Variants in DNAI2 observed in about 807,000 individuals in gnomAD.
DNAI2 encodes the protein dynein, axonemal, intermediate polypeptide 2.
A neutral mutation model predicts 74.7 loss-of-function variants in DNAI2; 63 were observed. The observed-to-expected ratio is 0.84, with a 90% confidence interval of 0.69 to 1.04. The LOEUF (loss-of-function observed/expected upper bound fraction) is 1.04, where lower values mean the gene tolerates loss of function less well. Among genes scored for constraint, DNAI2 ranks in the 50% least tolerant of loss-of-function variants. DNAI2 has a pLI of 0.00. For missense variants in DNAI2, 688 were observed against 803.2 expected (o/e 0.86, Z 1.73); for synonymous variants, 289 against 314.9 (o/e 0.92, Z 0.87).
In DNAI2 at chr17:74,299,773, C is replaced by A. The variant is rs935472934; in HGVS notation, c.780C>A (p.Ser260=). Residue 260 remains serine (S), a synonymous_variant, in exon 7 of 14, where the codon TCC becomes TCA. Transcript: ENST00000311014. ...TGGCGGAGCTATCCACCATTGAGTC[C>A]AGCCACCGAGACCCTGTGTATGGCA... The part of the protein sequence containing the change: ...SLVAELSTIE[S]SHRDPVYGTI... The A allele has an allele frequency of 6.2e-7, 1 of 1,613,210 alleles. No individual in the cohort carries two copies. Among genetic ancestry groups the A allele is most frequent in the South Asian group, 1.1e-5 (1 of 91,036 alleles).
At chr17:74,280,480 T>C (rs1284799561) in intron 1 of DNAI2, among the ~76,000 whole-genome samples, 1 of 152,220 alleles carries the variant, frequency 6.6e-6, no homozygotes, top group Non-Finnish European at 1.5e-5. Flanking sequence ...GGCCTCCATG[T>C]CCCGCCTGTT....
Position 74,301,103 on chromosome 17 carries a change from A to G in DNAI2, c.922A>G (p.Ile308Val), listed in dbSNP as rs374277039. Residue 308 changes from isoleucine to valine, a missense_variant, in exon 8 of 14, where the codon ATC becomes GTC. Physicochemically the swap from Ile to Val is conservative, Grantham distance 29 (BLOSUM62 3). Transcript: ENST00000311014. ...SEPTEVVILD[I>V]TKKEQLENAL... Reference sequence around the variant, plus strand: ...GCCCACTGAAGTTGTGATCTTGGACATCACCAAGAAGGAACAGTTGGAAAA... The same window carrying G: ...GCCCACTGAAGTTGTGATCTTGGACGTCACCAAGAAGGAACAGTTGGAAAA... 1.7e-5 allele frequency: 27 copies of G among 1,614,008 alleles called. No homozygotes were observed. Among genetic ancestry groups the G allele is most frequent in the African/African-American group, 4.0e-5 (3 of 74,920 alleles).
chr17:74,309,333 C>T lies in DNAI2; in HGVS notation c.1292C>T (p.Thr431Ile). ...TTCTTTACCACCAGGATGGACGGAA[C>T]CCTGGATATCTGGGACTTCATGTTC... Reference protein sequence around the residue: ...TVFFTTRMDGTLDIWDFMFEQ... With the variant: ...TVFFTTRMDGILDIWDFMFEQ... The change falls in exon 10 of 14, where the codon ACC (threonine) becomes ATC (isoleucine). Residue 431 changes from threonine to isoleucine, a missense_variant. Coordinates refer to ENST00000311014, the MANE Select transcript of DNAI2 (RefSeq NM_023036.6). 1 of 1,614,132 alleles carries T rather than the reference C, an allele frequency of 6.2e-7. No homozygotes were observed. The highest frequency in any genetic ancestry group is 8.5e-7 in the Non-Finnish European group (1 of 1,180,012).
chr17:74,308,298 G>A (rs2053306231), intron 9 of DNAI2, among the ~76,000 whole-genome samples: 1 of 152,136 alleles, frequency 6.6e-6, no homozygotes, highest in Admixed American at 6.6e-5. Context: ...TTAAAAAAAT[G>A]TTCCGTCTTC....
At chr17:74,291,926 C>T (rs2052133614) in intron 6 of DNAI2, among the ~76,000 whole-genome samples, 1 of 151,176 alleles carries the variant, frequency 6.6e-6, no homozygotes, top group Admixed American at 6.6e-5. Flanking sequence ...TGCAGTGGTG[C>T]AGTCTCAGCT....
chr17:74,309,154 A>G, intron 9 of DNAI2, 99 bp from the exon 10 acceptor site: 1 of 1,376,964 alleles, frequency 7.3e-7, no homozygotes, highest in South Asian at 1.2e-5. Flanking sequence ...CCTACCTAGC[A>G]AGACTCTGAG....
At chr17:74,296,326 AGAGAGAG>A (rs1260120573) in intron 6 of DNAI2, among the ~76,000 whole-genome samples, 3 of 73,514 alleles carry the variant, frequency 4.1e-5, no homozygotes, top group Admixed American at 1.4e-4. Context: ...AGAGAGAGAG[AGAGAGAG>A]GAGAGAGAGA....
chr17:74,303,953 C>G (rs575674131), intron 8 of DNAI2, among the ~76,000 whole-genome samples: 1 of 151,706 alleles, frequency 6.6e-6, no homozygotes, highest in Admixed American at 6.6e-5. Flanking sequence ...TAGGGAGACT[C>G]CATCTCTACA....
rs750660614 is a variant in DNAI2 at position 74,286,964 on chromosome 17, G to T, written c.346-13G>T. ...CCATTTACTGCGGAGAACTTCCAAT[G>T]TGTCCCCCCTAGATCATGGAGCACT... On this transcript the variant is annotated splice_polypyrimidine_tract_variant and intron_variant, in intron 3 of 13. Coordinates refer to ENST00000311014, the MANE Select transcript of DNAI2 (RefSeq NM_023036.6). The T allele has an allele frequency of 6.2e-7, 1 of 1,613,632 alleles. No individual in the cohort carries two copies. The highest frequency in any genetic ancestry group is 8.5e-7 in the Non-Finnish European group (1 of 1,179,760).
chr17:74,312,489 G>A (rs1341549214), intron 12 of DNAI2, among the ~76,000 whole-genome samples: 1 of 152,156 alleles, frequency 6.6e-6, no homozygotes, highest in African/African-American at 2.4e-5. Flanking sequence ...CCCCCAGAGA[G>A]GGCACATGGT....
chr17:74,309,921 G>A (rs1018505737), intron 10 of DNAI2, 96 bp from the exon 11 acceptor site: 47 of 1,533,036 alleles, frequency 3.1e-5, no homozygotes, highest in South Asian at 2.9e-4. Context: ...GTTTGAATAG[G>A]GCCAAGTGGC....
At chr17:74,296,346 G>GAGAGAGAGAGA (rs371039062) in intron 6 of DNAI2, among the ~76,000 whole-genome samples, 2 of 83,214 alleles carry the variant, frequency 2.4e-5, no homozygotes, top group African/African-American at 3.5e-5. Flanking sequence ...GAGAGAGAGA[G>GAGAGAGAGAGA]GAGAGAGAGA....
At position 74,314,008 on chromosome 17, in the gene DNAI2, C is replaced by T; in HGVS notation, c.1723-113C>T. ...ACCCGGGTTCCAGGGTGCTCAGCGA[C>T]CCAGGCTTCAGCCATTTGGCTGCTT... On this transcript the variant is annotated intron_variant, in intron 12 of 13. Coordinates refer to ENST00000311014, the MANE Select transcript of DNAI2 (RefSeq NM_023036.6). 1.9e-6 allele frequency: 3 copies of T among 1,581,926 alleles called. No individual in the cohort carries two copies. The South Asian group carries it at 3.3e-5, about 18-fold the overall frequency.
At position 74,301,127 on chromosome 17, in the gene DNAI2, A is replaced by G. The variant is rs539039472; in HGVS notation, c.946A>G (p.Asn316Asp). 77 of 1,613,912 alleles carry G rather than the reference A, an allele frequency of 4.8e-5. No individual in the cohort carries two copies. Among genetic ancestry groups the G allele is most frequent in the Non-Finnish European group, 6.5e-5 (77 of 1,179,982 alleles). ...LDITKKEQLE[N>D]ALGAISLEFE... is the part of the protein sequence containing the mutation. ...CATCACCAAGAAGGAACAGTTGGAAAATGCCTTGGGGGCCATCTCCCTGGA... is the reference window on the plus strand; with the variant it reads ...CATCACCAAGAAGGAACAGTTGGAAGATGCCTTGGGGGCCATCTCCCTGGA... The change falls in exon 8 of 14, where the codon AAT becomes GAT. Residue 316 changes from asparagine to aspartate, a missense_variant. Coordinates refer to ENST00000311014, the MANE Select transcript of DNAI2 (RefSeq NM_023036.6).
rs143033449 is a variant in DNAI2, at chr17:74,293,069, G to A, written c.724+1936G>A. On this transcript the variant is annotated intron_variant, in intron 6 of 13. Transcript: ENST00000311014. The stretch of plus-strand genomic sequence containing the variant: ...AGGATGGTCTCGATCTCCTGACCTC[G>A]TGATCCGCCCGCCTCGGCCTCCCAA... 8.5e-4 allele frequency among the ~76,000 whole-genome samples: 129 copies of A among 151,672 alleles called. 1 individual carries two copies. In the East Asian group the frequency reaches 0.013, roughly 15 times the overall value.
intron 8 of DNAI2, among the ~76,000 whole-genome samples, chr17:74,304,927 A>T (rs2053091953): frequency 1.3e-5 from 2 of 152,194 alleles, no homozygotes; most frequent in African/African-American, 4.8e-5. Flanking sequence ...CATCGAGGAC[A>T]CAGTGGTGCT....
At chr17:74,305,563 A>G in intron 9 of DNAI2, 121 bp downstream of exon 9, 1 of 841,012 alleles carries the variant, frequency 1.2e-6, no homozygotes, top group Non-Finnish European at 1.9e-6. Flanking sequence ...CCTTTCCACA[A>G]ACACCCGAGC....
intron 8 of DNAI2, 67 bp from the exon 9 acceptor site, chr17:74,305,152 C>A: frequency 9.0e-6 from 14 of 1,554,170 alleles, no homozygotes; most frequent in Non-Finnish European, 1.2e-5. Flanking sequence ...AAGCTCCTGT[C>A]CATGCCCGCT....
intron 12 of DNAI2, among the ~76,000 whole-genome samples, chr17:74,312,567 G>A (rs1247079700): frequency 6.6e-6 from 1 of 152,154 alleles, no homozygotes; most frequent in African/African-American, 2.4e-5. Flanking sequence ...GGTCCTAGAG[G>A]TAAGTGAGCT....
Sources: gnomAD v4.1 joint callset for allele counts (sites outside exome capture counted in the v4.1 genomes callset) on GRCh38, gnomAD v4.1.1 for gene constraint, MANE v1.5 for transcripts, NCBI Gene and HGNC (gene_info 2026-07-23, HGNC 2026-07-21) for gene names.